The following RALGAPA2 variants were observed in gnomAD, a reference collection of about 807,000 sequenced individuals.
RALGAPA2 encodes the protein Ral GTPase activating protein catalytic subunit alpha 2.
Under a neutral mutation model 230.4 loss-of-function variants are expected in RALGAPA2, and 139 were observed. The ratio of observed to expected loss-of-function variants is 0.60; its 90% CI spans 0.53 to 0.69. The LOEUF (loss-of-function observed/expected upper bound fraction) is 0.69, where lower values mean the gene tolerates loss of function less well. Among genes scored for constraint, RALGAPA2 ranks in the 30% least tolerant of loss-of-function variants. The probability of loss-of-function intolerance (pLI) is 0.00; values close to 1 mark genes in which losing one functional copy is unlikely to be tolerated. For missense variants in RALGAPA2, 2,163 were observed against 2,276.0 expected (o/e 0.95, Z 1.01); for synonymous variants, 847 against 837.8 (o/e 1.01, Z -0.19).
intron 23 of RALGAPA2, among the ~76,000 whole-genome samples, 185 bp downstream of exon 23, chr20:20,571,273 A>G (rs146083889): frequency 6.6e-6 from 1 of 152,254 alleles, no homozygotes; most frequent in Admixed American, 6.5e-5. Context: ...TGGGGAGAAG[A>G]AGCAGGGATG....
At chr20:20,706,798 T>A (rs1449653343) in intron 1 of RALGAPA2, among the ~76,000 whole-genome samples, 1 of 152,314 alleles carries the variant, frequency 6.6e-6, no homozygotes, top group East Asian at 1.9e-4. Context: ...AAGCATAACA[T>A]GGCCTTCATA....
At chr20:20,459,155 T>A (rs540429318) in intron 37 of RALGAPA2, among the ~76,000 whole-genome samples, 2 of 152,074 alleles carry the variant, frequency 1.3e-5, no homozygotes, top group East Asian at 3.9e-4. Flanking sequence ...ATCACAGAAC[T>A]ATTAAACTAA....
intron 35 of RALGAPA2, 128 bp from the exon 36 acceptor site, chr20:20,495,403 T>C (rs961484709): frequency 7.3e-6 from 5 of 687,108 alleles, no homozygotes; most frequent in African/African-American, 1.8e-5. Flanking sequence ...GGCTACAACA[T>C]TGATGTTCTT....
intron 23 of RALGAPA2, among the ~76,000 whole-genome samples, chr20:20,564,776 T>C (rs2064361127): frequency 6.6e-6 from 1 of 152,230 alleles, no homozygotes; most frequent in South Asian, 2.1e-4. Context: ...AGGCCTGCCA[T>C]CCATGAGAGT....
chr20:20,400,728 G>A (rs1399395372), intron 38 of RALGAPA2, among the ~76,000 whole-genome samples: 1 of 152,106 alleles, frequency 6.6e-6, no homozygotes, highest in Non-Finnish European at 1.5e-5. Flanking sequence ...GGCCACAGAG[G>A]ACCCGAACAT....
At chr20:20,607,783 A>G (rs2065864465) in intron 14 of RALGAPA2, among the ~76,000 whole-genome samples, 1 of 152,242 alleles carries the variant, frequency 6.6e-6, no homozygotes, top group Non-Finnish European at 1.5e-5. Flanking sequence ...ACTAATTATG[A>G]AACAAGCGCA....
At chr20:20,455,079 C>A (rs1039368687) in intron 37 of RALGAPA2, among the ~76,000 whole-genome samples, 1 of 152,160 alleles carries the variant, frequency 6.6e-6, no homozygotes, top group Non-Finnish European at 1.5e-5. Flanking sequence ...TGATCCATGA[C>A]GGAGATTATA....
intron 23 of RALGAPA2, among the ~76,000 whole-genome samples, chr20:20,558,395 G>C (rs2064153682): frequency 6.6e-6 from 1 of 152,160 alleles, no homozygotes; most frequent in African/African-American, 2.4e-5. Flanking sequence ...ATTTAAAAAT[G>C]CAAATAACAC....
chr20:20,661,339 T>C (rs2067769412), intron 3 of RALGAPA2, among the ~76,000 whole-genome samples: 1 of 152,102 alleles, frequency 6.6e-6, no homozygotes, highest in Admixed American at 6.5e-5. Context: ...TTGTATCTTT[T>C]AGTAGAGACA....
chr20:20,441,333 A>G (rs1029972465), intron 37 of RALGAPA2, among the ~76,000 whole-genome samples: 2 of 152,230 alleles, frequency 1.3e-5, no homozygotes, highest in African/African-American at 4.8e-5. Flanking sequence ...GTTAATCTGT[A>G]AGTTAGGGAA....
At chr20:20,550,337 G>C (rs1462734836) in intron 23 of RALGAPA2, among the ~76,000 whole-genome samples, 2 of 152,152 alleles carry the variant, frequency 1.3e-5, no homozygotes, top group African/African-American at 2.4e-5. Flanking sequence ...AGTAACTCAA[G>C]TAATACAATG....
Position 20,391,699 on chromosome 20 carries a change from G to A in RALGAPA2, c.*1590C>T, listed in dbSNP as rs372191882. On this transcript the variant is annotated 3_prime_UTR_variant, in exon 40 of 40. Coordinates refer to ENST00000202677, the MANE Select transcript of RALGAPA2 (RefSeq NM_020343.4). ...TCAGTGAAAATGGCCGTTCTGATGGGGTGAGAGCCTCAGAAGGCTTCTTCA... is the reference window on the plus strand; with the variant it reads ...TCAGTGAAAATGGCCGTTCTGATGGAGTGAGAGCCTCAGAAGGCTTCTTCA... 2.0e-5 allele frequency: 3 copies of A among 152,462 alleles called. No individual in the cohort carries two copies. Among genetic ancestry groups the A allele is most frequent in the African/African-American group, 7.2e-5 (3 of 41,578 alleles). The allele number at this position is 152,462 out of a possible 1,614,324, so 9.4% of individuals were successfully genotyped here. A position where few individuals can be genotyped will look rare whatever the true frequency, so the allele number is the denominator to read the frequency against.
chr20:20,666,054 G>C (rs2067948248), intron 3 of RALGAPA2, among the ~76,000 whole-genome samples: 2 of 152,184 alleles, frequency 1.3e-5, no homozygotes, highest in South Asian at 2.1e-4. Flanking sequence ...CCACAAGTAT[G>C]GCTGGCATTA....
intron 23 of RALGAPA2, among the ~76,000 whole-genome samples, chr20:20,558,638 G>A (rs776549418): frequency 1.3e-5 from 2 of 152,006 alleles, no homozygotes; most frequent in Non-Finnish European, 2.9e-5. Context: ...GGAGGCTGGG[G>A]GCGGTGAGGG....
At chr20:20,680,584 G>C in intron 2 of RALGAPA2, 107 bp downstream of exon 2, 1 of 1,380,886 alleles carries the variant, frequency 7.2e-7, no homozygotes, top group African/African-American at 1.5e-5. Context: ...TTTGCTAAAG[G>C]CTTGGCAAGA....
intron 36 of RALGAPA2, among the ~76,000 whole-genome samples, chr20:20,483,143 G>GAACAT (rs2061821627): frequency 1.3e-5 from 2 of 152,182 alleles, no homozygotes; most frequent in Admixed American, 1.3e-4. Context: ...TCACAAGTTA[G>GAACAT]GTGGCCAGAA....
chr20:20,568,333 T>C (rs1247447907), intron 23 of RALGAPA2, among the ~76,000 whole-genome samples: 1 of 152,228 alleles, frequency 6.6e-6, no homozygotes, highest in African/African-American at 2.4e-5. Flanking sequence ...GATAAATTCA[T>C]TGTGTTAGTA....
intron 24 of RALGAPA2, among the ~76,000 whole-genome samples, chr20:20,545,310 C>T (rs978941663): frequency 1.3e-5 from 2 of 152,042 alleles, no homozygotes; most frequent in African/African-American, 2.4e-5. Flanking sequence ...GATTCTCCCA[C>T]CTTGGCTTCC....
intron 16 of RALGAPA2, chr20:20,598,814 G>A (rs970938151): frequency 4.4e-5 from 20 of 456,006 alleles, no homozygotes; most frequent in African/African-American, 1.6e-4. Flanking sequence ...GACTGGCTTC[G>A]CTTAGCTTCC....
Sources: allele counts gnomAD v4.1 joint callset (sites outside exome capture counted in the v4.1 genomes callset), GRCh38; gene constraint gnomAD v4.1.1; transcripts MANE v1.5; gene names NCBI Gene and HGNC (gene_info 2026-07-23, HGNC 2026-07-21).